AUH: variants seen among roughly 807,000 people sequenced by gnomAD.
AUH encodes the protein AU RNA binding methylglutaconyl-CoA hydratase.
In AUH, 29 loss-of-function variants were observed where a neutral mutation model predicts 42.3. The observed-to-expected ratio is 0.69, with a 90% CI of 0.51 to 0.93. The LOEUF is 0.93. AUH is among the 40% of genes least tolerant of loss of function. The pLI is 0.00. For missense variants in AUH, 452 were observed against 438.1 expected (o/e 1.03, Z -0.28); for synonymous variants, 174 against 166.4 (o/e 1.05, Z -0.35).
At chr9:91,267,402 C>T (rs186700326) in intron 6 of AUH, among the ~76,000 whole-genome samples, 2 of 152,248 alleles carry the variant, frequency 1.3e-5, no homozygotes, top group African/African-American at 4.8e-5. Context: ...TAGGATGAGG[C>T]CCATGTTTTT....
intron 1 of AUH, 73 bp downstream of exon 1, chr9:91,361,555 G>C (rs1832854610): frequency 6.5e-7 from 1 of 1,532,104 alleles, no homozygotes; most frequent in Non-Finnish European, 8.8e-7. Context: ...GCCGGCGGAC[G>C]CTGCACCTTA....
At chr9:91,325,112 TATC>T (rs1476481771) in intron 4 of AUH, among the ~76,000 whole-genome samples, 1 of 152,114 alleles carries the variant, frequency 6.6e-6, no homozygotes, top group Non-Finnish European at 1.5e-5. Context: ...CTTCATATTT[TATC>T]ATACATAAGA....
chr9:91,287,776 T>C (rs1018051898), intron 6 of AUH, among the ~76,000 whole-genome samples: 4 of 152,094 alleles, frequency 2.6e-5, no homozygotes, highest in Admixed American at 6.6e-5. Flanking sequence ...GAAATCCAAT[T>C]ATGAATCATA....
intron 6 of AUH, among the ~76,000 whole-genome samples, chr9:91,250,148 C>T (rs1829047428): frequency 6.6e-6 from 1 of 152,168 alleles, no homozygotes; most frequent in Admixed American, 6.5e-5. Flanking sequence ...ACCTGGCCTC[C>T]ACCTGCCAGG....
rs77648944 is a variant in AUH, at chr9:91,246,987, G to A, written c.656-25995C>T. Among the ~76,000 whole-genome samples, 836 of 152,252 alleles carry A rather than the reference G, an allele frequency of 5.5e-3. 10 individuals carry two copies. Among genetic ancestry groups the A allele is most frequent in the East Asian group, 0.041 (213 of 5,168 alleles). ...GACTTCTTATAAAAAGATACCCAAG[G>A]CCTTGTTAAGCCACAGTCAGCTGAG... On this transcript the variant is annotated intron_variant, in intron 6 of 9. Transcript: ENST00000375731.
At chr9:91,237,511 A>T (rs1352276452) in intron 6 of AUH, among the ~76,000 whole-genome samples, 1 of 152,208 alleles carries the variant, frequency 6.6e-6, no homozygotes, top group Non-Finnish European at 1.5e-5. Context: ...GACTCTTTTC[A>T]TTTATTCACT....
At chr9:91,270,931 T>C (rs1825073808) in intron 6 of AUH, among the ~76,000 whole-genome samples, 1 of 152,192 alleles carries the variant, frequency 6.6e-6, no homozygotes, top group Non-Finnish European at 1.5e-5. Context: ...AAAATAACTG[T>C]CCTAATATGA....
intron 6 of AUH, among the ~76,000 whole-genome samples, chr9:91,235,855 G>A (rs1209151933): frequency 6.6e-6 from 1 of 152,146 alleles, no homozygotes; most frequent in African/African-American, 2.4e-5. Flanking sequence ...GTGATACTTA[G>A]AGCTATGGCA....
intron 3 of AUH, among the ~76,000 whole-genome samples, chr9:91,332,072 A>T (rs1440324257): frequency 6.6e-6 from 1 of 152,224 alleles, no homozygotes; most frequent in African/African-American, 2.4e-5. Context: ...ATCTAAGTTT[A>T]AGTAGTTTGA....
At chr9:91,338,938 ATAGTT>A (rs1830900877) in intron 3 of AUH, among the ~76,000 whole-genome samples, 1 of 152,216 alleles carries the variant, frequency 6.6e-6, no homozygotes, top group African/African-American at 2.4e-5. Context: ...ATCTCTTTGA[ATAGTT>A]TAGACTTCTG....
At chr9:91,280,437 G>A (rs1825874367) in intron 6 of AUH, among the ~76,000 whole-genome samples, 1 of 152,060 alleles carries the variant, frequency 6.6e-6, no homozygotes, top group African/African-American at 2.4e-5. Context: ...AAGAGAGCAA[G>A]TTACTAGCAA....
intron 3 of AUH, among the ~76,000 whole-genome samples, chr9:91,354,862 G>A (rs1042565000): frequency 6.6e-6 from 1 of 150,482 alleles, no homozygotes; most frequent in Admixed American, 6.6e-5. Context: ...ATATTCACCT[G>A]GTGAATATGA....
chr9:91,253,288 C>T (rs768421088), intron 6 of AUH, among the ~76,000 whole-genome samples: 13 of 152,180 alleles, frequency 8.5e-5, no homozygotes, highest in Non-Finnish European at 1.8e-4. Context: ...GAGCAACTAA[C>T]TAGAACTCTG....
chr9:91,337,005 C>A (rs1830745097), intron 3 of AUH, among the ~76,000 whole-genome samples: 1 of 152,170 alleles, frequency 6.6e-6, no homozygotes, highest in Non-Finnish European at 1.5e-5. Flanking sequence ...CCTTTGTATA[C>A]ACAAGGGCCT....
rs573503094 is a variant in AUH at position 91,301,020 on chromosome 9, C to T, written c.506-2944G>A. Among the ~76,000 whole-genome samples, 22 of 152,346 alleles carry T rather than the reference C, an allele frequency of 1.4e-4. No homozygotes were observed. The South Asian group carries it at 3.5e-3, about 24-fold the overall frequency. ...TCTTACTAATCTGGGACAAACCTCACGGTTTTTCACTGCCTCTTCCTCCTT... is the reference window on the plus strand; with the variant it reads ...TCTTACTAATCTGGGACAAACCTCATGGTTTTTCACTGCCTCTTCCTCCTT... On this transcript the variant is annotated intron_variant, in intron 4 of 9. Transcript: ENST00000375731.
chr9:91,264,058 G>A (rs1211814053), intron 6 of AUH, among the ~76,000 whole-genome samples: 1 of 151,948 alleles, frequency 6.6e-6, no homozygotes, highest in Non-Finnish European at 1.5e-5. Flanking sequence ...CCACTATCAA[G>A]ACTTTATCAC....
intron 6 of AUH, among the ~76,000 whole-genome samples, chr9:91,225,070 T>C (rs967939027): frequency 6.6e-6 from 1 of 152,220 alleles, no homozygotes; most frequent in Non-Finnish European, 1.5e-5. Context: ...AACATTCTTT[T>C]CCAGCTTGAA....
intron 3 of AUH, among the ~76,000 whole-genome samples, chr9:91,351,624 T>C (rs934930182): frequency 1.3e-5 from 2 of 152,122 alleles, no homozygotes; most frequent in South Asian, 4.1e-4. Flanking sequence ...TAGGAACCGG[T>C]GACACAGCAG....
At chr9:91,348,108 G>A (rs544339388) in intron 3 of AUH, among the ~76,000 whole-genome samples, 2 of 151,144 alleles carry the variant, frequency 1.3e-5, no homozygotes, top group South Asian at 2.1e-4. Context: ...AACTCAATGA[G>A]ATGAGATTCT....
Sources: allele counts gnomAD v4.1 joint callset (sites outside exome capture counted in the v4.1 genomes callset), GRCh38; gene constraint gnomAD v4.1.1; transcripts MANE v1.5; gene names NCBI Gene and HGNC (gene_info 2026-07-23, HGNC 2026-07-21).